IFNAR1: variants seen among roughly 807,000 people sequenced by gnomAD.
IFNAR1 encodes the protein interferon alpha and beta receptor subunit 1.
In IFNAR1, 47 loss-of-function variants were observed where a neutral mutation model predicts 62.1. That is an observed-to-expected ratio of 0.76 (90% confidence interval 0.60 to 0.97). The LOEUF is 0.97. Ranked by LOEUF, IFNAR1 falls within the 50% of genes least tolerant of loss-of-function variation. The pLI, the probability that IFNAR1 is intolerant of heterozygous loss-of-function variation, is 0.00. For synonymous variants in IFNAR1, 219 were observed against 226.9 expected (o/e 0.97, Z 0.31); for missense variants, 638 against 654.5 (o/e 0.97, Z 0.27).
Position 33,358,604 on chromosome 21 carries a change from T to C in IFNAR1, c.*3055T>C, listed in dbSNP as rs979525288. On this transcript the variant is annotated 3_prime_UTR_variant, in exon 11 of 11. Coordinates refer to ENST00000270139, the MANE Select transcript of IFNAR1 (RefSeq NM_000629.3). The stretch of plus-strand genomic sequence containing the variant: ...CTTTAGTATGGACTTAAAGTACTTA[T>C]TCATATACCTTGTAACTAAAAATTA... 6.6e-6 allele frequency: 1 copy of C among 152,108 alleles called. No homozygotes were observed. Among genetic ancestry groups the C allele is most frequent in the African/African-American group, 2.4e-5 (1 of 41,434 alleles). 9.4% of individuals were successfully genotyped at this position (152,108 alleles called of 1,614,324 possible). A position where few individuals can be genotyped will look rare whatever the true frequency, so the allele number is the denominator to read the frequency against.
At chr21:33,330,947 G>C (rs1267617857) in intron 1 of IFNAR1, among the ~76,000 whole-genome samples, 2 of 152,196 alleles carry the variant, frequency 1.3e-5, no homozygotes, top group African/African-American at 4.8e-5. Context: ...TCCCTCCAGA[G>C]AAGGAGCCAA....
chr21:33,345,305 G>A lies in IFNAR1; in HGVS notation c.733G>A (p.Val245Ile). Residue 245 changes from valine to isoleucine, a missense_variant, in exon 6 of 11, where the codon GTT becomes ATT. By Grantham distance (29) the Val-to-Ile change is conservative. Transcript: ENST00000270139. ...AGTCAGTGTCCAAAATCAGAACTAT[G>A]TTCTTAAATGGGATTATACATATGC... ...IEVSVQNQNYVLKWDYTYANM... is the reference protein window; with the variant it reads ...IEVSVQNQNYILKWDYTYANM... 9 of 1,608,176 alleles carry A rather than the reference G, an allele frequency of 5.6e-6. No individual in the cohort carries two copies. The highest frequency in any genetic ancestry group is 7.7e-6 in the Non-Finnish European group (9 of 1,175,280).
At chr21:33,355,060 C>T (rs184755883) in intron 10 of IFNAR1, among the ~76,000 whole-genome samples, 181 of 152,132 alleles carry the variant, frequency 1.2e-3, no homozygotes, top group Middle Eastern at 3.4e-3. Context: ...CCGCCTACCC[C>T]GATGGCACAG....
chr21:33,339,557 A>G (rs1256006204), intron 2 of IFNAR1, among the ~76,000 whole-genome samples: 1 of 152,188 alleles, frequency 6.6e-6, no homozygotes, highest in Non-Finnish European at 1.5e-5. Flanking sequence ...GGCTTGACAA[A>G]AATGCCTTCC....
At position 33,349,143 on chromosome 21, in the gene IFNAR1, C is replaced by T. The variant is rs780832094; in HGVS notation, c.841C>T (p.Pro281Ser). The change falls in exon 7 of 11, where the codon CCT becomes TCT. Residue 281 changes from proline to serine, a missense_variant. Transcript: ENST00000270139. ...GNHLYKWKQIPDCENVKTTQC... is the reference protein window; with the variant it reads ...GNHLYKWKQISDCENVKTTQC... ...CCATTTGTATAAATGGAAACAAATA[C>T]CTGACTGTGAAAATGTCAAAACTAC... is the stretch of plus-strand genomic sequence containing the variant. 8.7e-6 allele frequency: 14 copies of T among 1,612,762 alleles called. No homozygotes were observed. The highest frequency in any genetic ancestry group is 1.2e-5 in the Non-Finnish European group (14 of 1,179,260).
At chr21:33,344,863 C>T (rs1439087924) in intron 5 of IFNAR1, among the ~76,000 whole-genome samples, 1 of 152,000 alleles carries the variant, frequency 6.6e-6, no homozygotes, top group Admixed American at 6.6e-5. Flanking sequence ...TCTCGGCTCA[C>T]CGCAACCTCT....
At chr21:33,339,937 A>G (rs1193150216) in intron 2 of IFNAR1, among the ~76,000 whole-genome samples, 10 of 151,310 alleles carry the variant, frequency 6.6e-5, no homozygotes, top group African/African-American at 2.2e-4. Flanking sequence ...CAAAAAAAAA[A>G]AAAAAAAAAA....
At chr21:33,348,249 G>GA (rs1397779066) in intron 6 of IFNAR1, among the ~76,000 whole-genome samples, 6 of 152,150 alleles carry the variant, frequency 3.9e-5, no homozygotes, top group Non-Finnish European at 7.4e-5. Context: ...TGGCTTTCCA[G>GA]AAAGAAAAAG....
In IFNAR1 at chr21:33,343,361, C is replaced by T. The variant is rs757290038; in HGVS notation, c.470C>T (p.Ala157Val). 4.7e-5 allele frequency: 76 copies of T among 1,612,320 alleles called. No homozygotes were observed. The highest frequency in any genetic ancestry group is 3.1e-5 in the Non-Finnish European group (37 of 1,178,570). Residue 157 changes from alanine to valine, a missense_variant, in exon 4 of 11, where the codon GCT (alanine) becomes GTT (valine). By Grantham distance (64) the Ala-to-Val change is moderately conservative (BLOSUM62 0). Coordinates refer to ENST00000270139, the MANE Select transcript of IFNAR1 (RefSeq NM_000629.3). ...SPGTKDSVMWALDGLSFTYSL... is the reference protein window; with the variant it reads ...SPGTKDSVMWVLDGLSFTYSL... The stretch of plus-strand genomic sequence containing the variant: ...GGAACAAAAGATAGTGTTATGTGGG[C>T]TTTGGATGGTTTAAGCTTTACATAT...
intron 1 of IFNAR1, among the ~76,000 whole-genome samples, chr21:33,327,992 C>T (rs1387148266): frequency 6.6e-6 from 1 of 152,202 alleles, no homozygotes; most frequent in Non-Finnish European, 1.5e-5. Flanking sequence ...TTTTATCATG[C>T]AGATCAAGCT....
chr21:33,326,862 C>T (rs954460475), intron 1 of IFNAR1, among the ~76,000 whole-genome samples: 6 of 151,798 alleles, frequency 4.0e-5, no homozygotes, highest in Non-Finnish European at 8.8e-5. Context: ...TGCTGAAATT[C>T]TTCATACTTA....
At chr21:33,329,521 T>G (rs1316285717) in intron 1 of IFNAR1, among the ~76,000 whole-genome samples, 1 of 150,892 alleles carries the variant, frequency 6.6e-6, no homozygotes, top group Non-Finnish European at 1.5e-5. Context: ...CCCCATACTA[T>G]AAGATCTAAC....
At chr21:33,354,927 A>G (rs930598703) in intron 10 of IFNAR1, among the ~76,000 whole-genome samples, 2 of 152,258 alleles carry the variant, frequency 1.3e-5, no homozygotes, top group Middle Eastern at 6.8e-3. Flanking sequence ...ACAATAGCCA[A>G]TAATTTCTCA....
At position 33,341,120 on chromosome 21, in the gene IFNAR1, A is replaced by C; in HGVS notation, c.322A>C (p.Lys108Gln). Residue 108 changes from lysine to glutamine, a missense_variant, in exon 3 of 11, where the codon AAA becomes CAA. Physicochemically the swap from Lys to Gln is moderately conservative, Grantham distance 53. Transcript: ENST00000270139. ...AATTAAATTGCGTATAAGAGCAGAA[A>C]AAGAAAACACTTCTTCATGGTATGA... ...EEIKLRIRAE[K>Q]ENTSSWYEVD... The C allele has an allele frequency of 6.2e-7, 1 of 1,613,622 alleles. No individual in the cohort carries two copies. Among genetic ancestry groups the C allele is most frequent in the Non-Finnish European group, 8.5e-7 (1 of 1,179,702 alleles).
In IFNAR1 at chr21:33,343,520, A is replaced by T. The variant is rs780080317; in HGVS notation, c.532-15A>T. On this transcript the variant is annotated splice_polypyrimidine_tract_variant and intron_variant, in intron 4 of 10. Transcript: ENST00000270139. ...TTATACTTTTTTAAAGAACCAACTT[A>T]TATTTGTGTTATAGGAAAGGATTGA... The T allele has an allele frequency of 2.6e-6, 4 of 1,532,098 alleles. No homozygotes were observed. The Admixed American group carries it at 7.2e-5, about 28-fold the overall frequency. 94.9% of individuals were successfully genotyped at this position (1,532,098 alleles called of 1,614,324 possible).
intron 10 of IFNAR1, among the ~76,000 whole-genome samples, chr21:33,354,842 CCT>C (rs1186256002): frequency 2.0e-5 from 3 of 152,078 alleles, no homozygotes; most frequent in African/African-American, 4.8e-5. Flanking sequence ...CTATTATACC[CCT>C]GAGTTTTTAA....
At chr21:33,340,148 A>G (rs2083280782) in intron 2 of IFNAR1, among the ~76,000 whole-genome samples, 1 of 151,918 alleles carries the variant, frequency 6.6e-6, no homozygotes, top group Non-Finnish European at 1.5e-5. Context: ...TTATTTGTTT[A>G]TGTAAACATT....
At chr21:33,330,141 G>T (rs1381228062) in intron 1 of IFNAR1, among the ~76,000 whole-genome samples, 1 of 152,176 alleles carries the variant, frequency 6.6e-6, no homozygotes, top group Non-Finnish European at 1.5e-5. Context: ...AGAGCAATCT[G>T]CACACAACTT....
intron 1 of IFNAR1, among the ~76,000 whole-genome samples, chr21:33,329,766 A>G (rs2083158816): frequency 6.6e-6 from 1 of 152,228 alleles, no homozygotes; most frequent in Non-Finnish European, 1.5e-5. Context: ...TATGCTGGAT[A>G]CTCTGAAAAA....
Sources: gnomAD v4.1 joint callset for allele counts (sites outside exome capture counted in the v4.1 genomes callset) on GRCh38, gnomAD v4.1.1 for gene constraint, MANE v1.5 for transcripts, NCBI Gene and HGNC (gene_info 2026-07-23, HGNC 2026-07-21) for gene names.